Variants in ULK4 observed in about 807,000 individuals in gnomAD.
ULK4 encodes unc-51 like kinase 4, also known as inactive serine/threonine-protein kinase ULK4.
Under a neutral mutation model 160.6 loss-of-function variants are expected in ULK4, and 133 were observed. The observed-to-expected ratio is 0.83, with a 90% CI of 0.72 to 0.96. The LOEUF (loss-of-function observed/expected upper bound fraction) is 0.96. ULK4 is among the 40% of genes least tolerant of loss of function. ULK4 has a pLI of 0.00. For synonymous variants in ULK4, 534 were observed against 539.8 expected (o/e 0.99, Z 0.15); for missense variants, 1,580 against 1,499.5 (o/e 1.05, Z -0.89).
intron 30 of ULK4, among the ~76,000 whole-genome samples, chr3:41,644,451 CAT>C (rs2034383758): frequency 6.6e-6 from 1 of 152,138 alleles, no homozygotes; most frequent in Non-Finnish European, 1.5e-5. Flanking sequence ...TTGAGATAAT[CAT>C]GTGGTTTTTC....
At chr3:41,776,533 T>C (rs1292601848) in intron 21 of ULK4, among the ~76,000 whole-genome samples, 1 of 151,022 alleles carries the variant, frequency 6.6e-6, no homozygotes, top group Non-Finnish European at 1.5e-5. Flanking sequence ...TGAACATTTC[T>C]ATAAACAGAT....
At chr3:41,492,611 C>T (rs1454109090) in intron 32 of ULK4, among the ~76,000 whole-genome samples, 1 of 151,060 alleles carries the variant, frequency 6.6e-6, no homozygotes, top group Admixed American at 6.6e-5. Flanking sequence ...CTAAATGCTC[C>T]AATTAAAAGA....
At chr3:41,881,104 G>T (rs186594815) in intron 17 of ULK4, among the ~76,000 whole-genome samples, 3 of 152,000 alleles carry the variant, frequency 2.0e-5, no homozygotes, top group African/African-American at 7.2e-5. Flanking sequence ...ACAGAAAACT[G>T]GTCTCAAGAG....
rs1436994136 is a variant in ULK4 at position 41,741,294 on chromosome 3, G to A, written c.2321+13067C>T. Among the ~76,000 whole-genome samples, 3 of 151,824 alleles carry A rather than the reference G, an allele frequency of 2.0e-5. 1 individual carries two copies. The highest frequency in any genetic ancestry group is 7.3e-5 in the African/African-American group (3 of 41,144). ...TCCATATGCATTTTTTAACGAAATTGTATACAAATACATGCAAATAGAAGT... is the reference window on the plus strand; with the variant it reads ...TCCATATGCATTTTTTAACGAAATTATATACAAATACATGCAAATAGAAGT... On this transcript the variant is annotated intron_variant, in intron 22 of 36. Transcript: ENST00000301831.
intron 32 of ULK4, among the ~76,000 whole-genome samples, chr3:41,509,475 C>T (rs565163572): frequency 7.4e-4 from 113 of 152,246 alleles, no homozygotes; most frequent in African/African-American, 2.7e-3. Flanking sequence ...GCTCAAAGAA[C>T]AACTGGGAAA....
chr3:41,657,401 A>G (rs750176134), intron 30 of ULK4, among the ~76,000 whole-genome samples: 1 of 152,220 alleles, frequency 6.6e-6, no homozygotes, highest in Non-Finnish European at 1.5e-5. Context: ...TTCAAACAAC[A>G]TGATGCTGTT....
At chr3:41,655,181 T>A (rs1023963017) in intron 30 of ULK4, among the ~76,000 whole-genome samples, 1 of 151,780 alleles carries the variant, frequency 6.6e-6, no homozygotes. Flanking sequence ...TAGGTGTACA[T>A]GGAATGCTAC....
At chr3:41,303,177 C>T (rs182066017) in intron 35 of ULK4, among the ~76,000 whole-genome samples, 6 of 152,226 alleles carry the variant, frequency 3.9e-5, no homozygotes, top group Admixed American at 1.3e-4. Context: ...TTTTGACTCA[C>T]GCTTTTCTCA....
intron 5 of ULK4, among the ~76,000 whole-genome samples, chr3:41,931,100 G>C (rs949091191): frequency 3.9e-5 from 6 of 152,198 alleles, no homozygotes; most frequent in African/African-American, 1.2e-4. Context: ...ATCAATGATA[G>C]ACTGGATAAA....
intron 35 of ULK4, among the ~76,000 whole-genome samples, chr3:41,305,857 C>T (rs1297482520): frequency 1.4e-5 from 2 of 145,918 alleles, no homozygotes; most frequent in Non-Finnish European, 3.0e-5. Flanking sequence ...ATGTGGGGAG[C>T]GCCTCTGCCC....
At chr3:41,486,124 T>A (rs954052893) in intron 32 of ULK4, among the ~76,000 whole-genome samples, 1 of 152,136 alleles carries the variant, frequency 6.6e-6, no homozygotes, top group Non-Finnish European at 1.5e-5. Context: ...ATCAAGCATG[T>A]GCACGTATCT....
Position 41,715,459 on chromosome 3 carries a change from G to T in ULK4, c.2565C>A (p.Leu855=). ...AATACAATAGTACCTGTGAAGTTACGAGGTGAAGCACTACAGGCATCAGGG... is the reference window on the plus strand; with the variant it reads ...AATACAATAGTACCTGTGAAGTTACTAGGTGAAGCACTACAGGCATCAGGG... ...CLPLMPVVLH[L]VTSQVFRPQV... Residue 855 remains leucine, a synonymous_variant, in exon 24 of 37, where the codon CTC becomes CTA. Coordinates refer to ENST00000301831, the MANE Select transcript of ULK4 (RefSeq NM_017886.4). 1.2e-6 allele frequency: 2 copies of T among 1,614,088 alleles called. No homozygotes were observed. Among genetic ancestry groups the T allele is most frequent in the South Asian group, 1.1e-5 (1 of 91,082 alleles).
At chr3:41,394,869 T>G (rs2082023884) in intron 35 of ULK4, among the ~76,000 whole-genome samples, 1 of 152,062 alleles carries the variant, frequency 6.6e-6, no homozygotes, top group East Asian at 1.9e-4. Flanking sequence ...GAGGCATTTA[T>G]CACAGATGGC....
In ULK4 at chr3:41,246,747, G is replaced by C; in HGVS notation, c.*182C>G. 1.6e-6 allele frequency: 1 copy of C among 617,810 alleles called. No homozygotes were observed. The highest frequency in any genetic ancestry group is 2.3e-5 in the South Asian group (1 of 42,890). 38.3% of individuals were successfully genotyped at this position (617,810 alleles called of 1,614,324 possible). On this transcript the variant is annotated 3_prime_UTR_variant, in exon 37 of 37. Coordinates refer to ENST00000301831, the MANE Select transcript of ULK4 (RefSeq NM_017886.4). ...CACAGGAACCAAGGAAGTCCATTCTGAGTCAGTTTTCTAGGCCCTGGGGTT... is the reference window on the plus strand; with the variant it reads ...CACAGGAACCAAGGAAGTCCATTCTCAGTCAGTTTTCTAGGCCCTGGGGTT...
intron 27 of ULK4, among the ~76,000 whole-genome samples, chr3:41,701,838 T>G (rs1447179830): frequency 6.6e-6 from 1 of 152,158 alleles, no homozygotes; most frequent in Non-Finnish European, 1.5e-5. Flanking sequence ...AAAAGAAAGT[T>G]TCTTTTTAAG....
chr3:41,369,312 G>A (rs2081315286), intron 35 of ULK4, among the ~76,000 whole-genome samples: 1 of 152,012 alleles, frequency 6.6e-6, no homozygotes, highest in Non-Finnish European at 1.5e-5. Context: ...ACTCAGCATG[G>A]CAAAACCTTG....
At chr3:41,525,316 T>A (rs1020608509) in intron 32 of ULK4, among the ~76,000 whole-genome samples, 2 of 152,220 alleles carry the variant, frequency 1.3e-5, no homozygotes, top group Non-Finnish European at 2.9e-5. Context: ...CTAAAGAGTC[T>A]AAAACAAGTT....
intron 20 of ULK4, among the ~76,000 whole-genome samples, chr3:41,798,545 T>C (rs1484054743): frequency 6.6e-6 from 1 of 151,934 alleles, no homozygotes; most frequent in East Asian, 1.9e-4. Flanking sequence ...AACTGAAAAA[T>C]TTCCATAAAT....
In ULK4 at chr3:41,506,474, A is replaced by G. The variant is rs2085375542; in HGVS notation, c.3227-43221T>C. Among the ~76,000 whole-genome samples, 3 of 152,066 alleles carry G rather than the reference A, an allele frequency of 2.0e-5. No homozygotes were observed. The South Asian group carries it at 6.2e-4, about 32-fold the overall frequency. ...ATCTAACATTCTTTTCCAGGTTTTG[A>G]GCCACACAGTAGAAGCTGTGTAGAA... On this transcript the variant is annotated intron_variant, in intron 32 of 36. Coordinates refer to ENST00000301831, the MANE Select transcript of ULK4 (RefSeq NM_017886.4).
Sources: gnomAD v4.1 joint callset for allele counts (sites outside exome capture counted in the v4.1 genomes callset) on GRCh38, gnomAD v4.1.1 for gene constraint, MANE v1.5 for transcripts, NCBI Gene and HGNC (gene_info 2026-07-23, HGNC 2026-07-21) for gene names.